CHORDC1: variants seen among roughly 807,000 people sequenced by gnomAD.
The protein encoded by CHORDC1 is cysteine and histidine-rich domain-containing protein 1.
CHORDC1 carries 25 observed loss-of-function variants against 48.3 expected under a neutral mutation model. The observed-to-expected ratio is 0.52, with a 90% CI of 0.38 to 0.72. CHORDC1 has a LOEUF of 0.72. Ranked by LOEUF, CHORDC1 falls within the 30% of genes least tolerant of loss-of-function variation. The probability of loss-of-function intolerance (pLI) is 0.00; values close to 1 mark genes in which losing one functional copy is unlikely to be tolerated. For missense variants in CHORDC1, 317 were observed against 388.7 expected (o/e 0.82, Z 1.55); for synonymous variants, 128 against 126.4 (o/e 1.01, Z -0.09).
At chr11:90,205,178 T>C (rs886686878) in intron 8 of CHORDC1, among the ~76,000 whole-genome samples, 6 of 152,296 alleles carry the variant, frequency 3.9e-5, no homozygotes, top group East Asian at 1.9e-4. Context: ...ATGGAGCTAA[T>C]TTTATTAATT....
chr11:90,220,732 C>T (rs1221384483), intron 1 of CHORDC1, among the ~76,000 whole-genome samples: 1 of 152,052 alleles, frequency 6.6e-6, no homozygotes, highest in South Asian at 2.1e-4. Context: ...AGAGTTTTGG[C>T]AAAATTAATA....
chr11:90,217,262 T>C (rs1001979294), intron 2 of CHORDC1, among the ~76,000 whole-genome samples: 2 of 152,324 alleles, frequency 1.3e-5, no homozygotes, highest in African/African-American at 4.8e-5. Context: ...TATTTAAACA[T>C]GTTAAGACTG....
At chr11:90,204,679 C>T (rs1857625729) in intron 8 of CHORDC1, among the ~76,000 whole-genome samples, 1 of 151,202 alleles carries the variant, frequency 6.6e-6, no homozygotes, top group Non-Finnish European at 1.5e-5. Flanking sequence ...CTGCACTGCA[C>T]GTCTGGGCGA....
chr11:90,211,356 A>C, intron 4 of CHORDC1, 38 bp from the exon 5 acceptor site: 1 of 1,286,374 alleles, frequency 7.8e-7, no homozygotes, highest in South Asian at 1.2e-5. Context: ...TTATTAATAT[A>C]CCAAAATATT....
At chr11:90,206,440 G>T (rs1857689688) in intron 6 of CHORDC1, 168 bp from the exon 7 acceptor site, 6 of 539,874 alleles carry the variant, frequency 1.1e-5, no homozygotes, top group African/African-American at 7.6e-5. Context: ...AATGAAAAAT[G>T]ATTCCCTTTT....
intron 2 of CHORDC1, among the ~76,000 whole-genome samples, chr11:90,215,645 T>A (rs1031695241): frequency 4.9e-5 from 7 of 143,656 alleles, no homozygotes; most frequent in African/African-American, 1.8e-4. Context: ...TTAGTTAATT[T>A]TAATTTCACA....
Position 90,201,354 on chromosome 11 carries a change from C to G in CHORDC1, c.*1051G>C. ...CAAAACCTATCCAAACGATCTAATT[C>G]TGTATTACCTATATTTAATATAAAG... On this transcript the variant is annotated 3_prime_UTR_variant, in exon 11 of 11. Transcript: ENST00000320585. 1 of 151,662 alleles carries G rather than the reference C, an allele frequency of 6.6e-6. No homozygotes were observed. The highest frequency in any genetic ancestry group is 6.6e-5 in the Admixed American group (1 of 15,236). 9.4% of individuals were successfully genotyped at this position (151,662 alleles called of 1,614,324 possible).
At chr11:90,207,924 G>A (rs1011136764) in intron 6 of CHORDC1, 1 of 152,010 alleles carries the variant, frequency 6.6e-6, no homozygotes, top group African/African-American at 2.4e-5. Flanking sequence ...ATACAGGTGG[G>A]CATACCTAAT....
intron 4 of CHORDC1, 175 bp downstream of exon 4, chr11:90,213,843 C>G (rs1264295737): frequency 3.6e-6 from 2 of 562,190 alleles, no homozygotes; most frequent in African/African-American, 1.9e-5. Flanking sequence ...TACATGCTCT[C>G]AAGTTGAAGA....
At position 90,202,217 on chromosome 11, in the gene CHORDC1, A is replaced by G. The variant is rs1323526946; in HGVS notation, c.*188T>C. 11 of 591,458 alleles carry G rather than the reference A, an allele frequency of 1.9e-5. No individual in the cohort carries two copies. The highest frequency in any genetic ancestry group is 2.7e-5 in the Non-Finnish European group (9 of 334,386). 36.6% of individuals were successfully genotyped at this position (591,458 alleles called of 1,614,324 possible). A position where few individuals can be genotyped will look rare whatever the true frequency, so the allele number is the denominator to read the frequency against. On this transcript the variant is annotated 3_prime_UTR_variant, in exon 11 of 11. Transcript: ENST00000320585. ...GGGAGAAATGAATAATCAATCTTACATAACACAAAAGAAAGATGAGAGGCA... is the reference window on the plus strand; with the variant it reads ...GGGAGAAATGAATAATCAATCTTACGTAACACAAAAGAAAGATGAGAGGCA...
At position 90,218,195 on chromosome 11, in the gene CHORDC1, C is replaced by CA; in HGVS notation, c.65-12dup. ...GGTATGTGCAAGCATCTGGAGAAAA[C>CA]AGAGAAAAAAAAAAAAGTACCACTC... On this transcript the variant is annotated splice_polypyrimidine_tract_variant and intron_variant, in intron 1 of 10. Coordinates refer to ENST00000320585, the MANE Select transcript of CHORDC1 (RefSeq NM_012124.3). 1 of 1,500,314 alleles carries CA rather than the reference C, an allele frequency of 6.7e-7. No individual in the cohort carries two copies. Among genetic ancestry groups the CA allele is most frequent in the Non-Finnish European group, 8.9e-7 (1 of 1,128,636 alleles). The allele number at this position is 1,500,314 out of a possible 1,614,324, so 92.9% of individuals were successfully genotyped here. A position where few individuals can be genotyped will look rare whatever the true frequency, so the allele number is the denominator to read the frequency against.
At chr11:90,208,119 CA>C (rs1373288010) in intron 6 of CHORDC1, 1 of 151,864 alleles carries the variant, frequency 6.6e-6, no homozygotes, top group African/African-American at 2.4e-5. Flanking sequence ...ATATGTGTCA[CA>C]AAAGTCATGC....
intron 4 of CHORDC1, 104 bp from the exon 5 acceptor site, chr11:90,211,422 T>C: frequency 1.4e-6 from 1 of 722,706 alleles, no homozygotes; most frequent in South Asian, 1.6e-5. Flanking sequence ...AAATGCTTTG[T>C]GTATCAAATG....
chr11:90,210,582 T>G lies in CHORDC1; in HGVS notation c.446A>C (p.Asp149Ala). 6.3e-7 allele frequency: 1 copy of G among 1,581,378 alleles called. No individual in the cohort carries two copies. The highest frequency in any genetic ancestry group is 2.2e-5 in the East Asian group (1 of 44,564). Residue 149 changes from aspartate (D) to alanine (A), a missense_variant, in exon 6 of 11, where the codon GAT becomes GCT. Coordinates refer to ENST00000320585, the MANE Select transcript of CHORDC1 (RefSeq NM_012124.3). ...NEENKKEEDN[D>A]EIKIGTSCKN... is the part of the protein sequence containing the mutation. ...ACATGAGGTCCCAATCTTAATTTCATCATTGTCTTCTTCTGTAACAAAGAA... is the reference window on the plus strand; with the variant it reads ...ACATGAGGTCCCAATCTTAATTTCAGCATTGTCTTCTTCTGTAACAAAGAA...
intron 2 of CHORDC1, 33 bp from the exon 3 acceptor site, chr11:90,215,263 C>CT (rs1478434581): frequency 1.4e-6 from 2 of 1,440,980 alleles, no homozygotes; most frequent in Non-Finnish European, 9.4e-7. Context: ...ACTAAAAACT[C>CT]TATTTGCATG....
At chr11:90,211,560 T>G (rs1265881970) in intron 4 of CHORDC1, 1 of 347,756 alleles carries the variant, frequency 2.9e-6, no homozygotes, top group African/African-American at 2.2e-5. Context: ...GTCAGCATAT[T>G]TAAGTATTAA....
At chr11:90,204,696 G>A (rs911651824) in intron 8 of CHORDC1, among the ~76,000 whole-genome samples, 26 of 151,780 alleles carry the variant, frequency 1.7e-4, no homozygotes, top group African/African-American at 3.6e-4. Flanking sequence ...GCGACAGAGC[G>A]AGACTCTGTC....
intron 2 of CHORDC1, among the ~76,000 whole-genome samples, chr11:90,216,974 A>AAATGGCAGTCT (rs1286650829): frequency 6.6e-6 from 1 of 152,232 alleles, no homozygotes; most frequent in Non-Finnish European, 1.5e-5. Flanking sequence ...ATATCAGAAG[A>AAATGGCAGTCT]AATGGCAGTC....
intron 8 of CHORDC1, among the ~76,000 whole-genome samples, chr11:90,205,066 T>C (rs950011986): frequency 2.0e-4 from 31 of 151,828 alleles, no homozygotes; most frequent in Middle Eastern, 6.8e-3. Context: ...CTGTAAATGA[T>C]TGAAGTTTTA....
Sources: allele counts gnomAD v4.1 joint callset (sites outside exome capture counted in the v4.1 genomes callset), GRCh38; gene constraint gnomAD v4.1.1; transcripts MANE v1.5; gene names NCBI Gene and HGNC (gene_info 2026-07-23, HGNC 2026-07-21).